The following BANP variants were observed in gnomAD, a reference collection of about 807,000 sequenced individuals.
BANP encodes the protein BTG3 associated nuclear protein.
Under a neutral mutation model 68.1 loss-of-function variants are expected in BANP, and 11 were observed. The ratio of observed to expected loss-of-function variants is 0.16; its 90% CI spans 0.10 to 0.27. The LOEUF (loss-of-function observed/expected upper bound fraction) is 0.27, where lower values mean the gene tolerates loss of function less well. BANP is among the 10% of genes least tolerant of loss of function. The pLI is 1.00. For missense variants in BANP, 504 were observed against 722.7 expected (o/e 0.70, Z 3.47); for synonymous variants, 329 against 303.2 (o/e 1.09, Z -0.88).
intron 13 of BANP, among the ~76,000 whole-genome samples, chr16:88,074,878 A>G (rs1290412691): frequency 2.0e-5 from 3 of 152,064 alleles, no homozygotes; most frequent in Non-Finnish European, 2.9e-5. Context: ...AGGGAACAGT[A>G]TATCGAGTGT....
intron 13 of BANP, among the ~76,000 whole-genome samples, chr16:88,075,144 G>A (rs1289045268): frequency 2.0e-5 from 3 of 152,166 alleles, no homozygotes; most frequent in Non-Finnish European, 4.4e-5. Context: ...TCAGGAGTTC[G>A]AGACCAGCCT....
chr16:88,039,398 G>T (rs1310586718), intron 11 of BANP, among the ~76,000 whole-genome samples: 1 of 144,018 alleles, frequency 6.9e-6, no homozygotes, highest in East Asian at 2.0e-4. Context: ...GCAGAGGACA[G>T]GGCTCATAGC....
intron 11 of BANP, among the ~76,000 whole-genome samples, chr16:88,054,478 AACAAC>A (rs1170533609): frequency 6.6e-6 from 1 of 152,064 alleles, no homozygotes; most frequent in Non-Finnish European, 1.5e-5. Context: ...CACCACTACC[AACAAC>A]ACATCTATCA....
intron 4 of BANP, among the ~76,000 whole-genome samples, chr16:87,984,729 G>C (rs556123537): frequency 6.6e-6 from 1 of 152,210 alleles, no homozygotes; most frequent in South Asian, 2.1e-4. Flanking sequence ...GTGGTAGTTT[G>C]CAAACTGTTT....
At chr16:88,035,536 G>T in intron 10 of BANP, 142 bp downstream of exon 10, 1 of 740,002 alleles carries the variant, frequency 1.4e-6, no homozygotes, top group Non-Finnish European at 2.2e-6. Context: ...TCCGCTTCCA[G>T]GGTGCACATA....
In BANP at chr16:88,030,172, A is replaced by G. The variant is rs193197460; in HGVS notation, c.1063+2522A>G. On this transcript the variant is annotated intron_variant, in intron 8 of 13. Coordinates refer to ENST00000682872, the MANE Select transcript of BANP (RefSeq NM_001386991.1). ...AAAGACAACAAAACCTAGACACCCA[A>G]CAAAGTAAAATTCACAATCTCCAGT... Among the ~76,000 whole-genome samples the G allele has an allele frequency of 3.9e-3, 593 of 152,370 alleles. 4 individuals carry two copies. Among genetic ancestry groups the G allele is most frequent in the African/African-American group, 0.011 (451 of 41,586 alleles).
At chr16:88,000,014 A>G in intron 4 of BANP, among the ~76,000 whole-genome samples, 1 of 43,870 alleles carries the variant, frequency 2.3e-5, no homozygotes, top group Non-Finnish European at 4.0e-5. Flanking sequence ...CCAGACACCC[A>G]GACACGTCTC....
At chr16:87,958,114 C>T (rs1419606138) in intron 1 of BANP, among the ~76,000 whole-genome samples, 1 of 152,322 alleles carries the variant, frequency 6.6e-6, no homozygotes. Flanking sequence ...TGTTGTCTTA[C>T]AATTTCTGGC....
chr16:88,061,022 AGC>A (rs1361706895), intron 11 of BANP, among the ~76,000 whole-genome samples: 1 of 152,078 alleles, frequency 6.6e-6, no homozygotes, highest in Admixed American at 6.5e-5. Flanking sequence ...CACTCCCAGG[AGC>A]GCCGCCCTGC....
At chr16:87,980,529 G>A (rs555917892) in intron 2 of BANP, 1 of 159,454 alleles carries the variant, frequency 6.3e-6, no homozygotes, top group African/African-American at 2.4e-5. Context: ...GGAGGGTCGG[G>A]GTTCTGTCAC....
chr16:88,021,275 G>C (rs569498634), intron 7 of BANP, among the ~76,000 whole-genome samples: 1 of 152,330 alleles, frequency 6.6e-6, no homozygotes, highest in East Asian at 1.9e-4. Flanking sequence ...TCTGGAGCAC[G>C]GTCCCCTGGC....
intron 2 of BANP, chr16:87,980,458 A>G (rs1598047596): frequency 6.5e-6 from 1 of 153,012 alleles, no homozygotes; most frequent in East Asian, 1.9e-4. Flanking sequence ...TCCTGCGGGA[A>G]GCCGTGACGA....
intron 11 of BANP, among the ~76,000 whole-genome samples, chr16:88,053,331 C>T (rs1159052700): frequency 3.6e-5 from 5 of 138,074 alleles, no homozygotes; most frequent in Non-Finnish European, 8.3e-5. Context: ...CTGTCATCTC[C>T]ATCATCATCA....
At chr16:87,984,819 C>T (rs1314402960) in intron 4 of BANP, among the ~76,000 whole-genome samples, 1 of 152,214 alleles carries the variant, frequency 6.6e-6, no homozygotes, top group East Asian at 1.9e-4. Flanking sequence ...TCAGATATTC[C>T]AGCCGACAGC....
At position 88,072,177 on chromosome 16, in the gene BANP, C is replaced by G; in HGVS notation, c.1486C>G (p.Leu496Val). 6.2e-7 allele frequency: 1 copy of G among 1,611,284 alleles called. No homozygotes were observed. The highest frequency in any genetic ancestry group is 8.5e-7 in the Non-Finnish European group (1 of 1,179,670). The change falls in exon 13 of 14, where the codon CTG becomes GTG. Residue 496 changes from leucine to valine, a missense_variant. Coordinates refer to ENST00000682872, the MANE Select transcript of BANP (RefSeq NM_001386991.1). ...CGACATCCAGGTTCAGTACGTGCAG[C>G]TGGCGCCAGTGAGTGACCACACGGC... ...GSDIQVQYVQ[L>V]APVSDHTAGA...
chr16:88,013,908 G>A (rs1302450937), intron 6 of BANP, among the ~76,000 whole-genome samples: 1 of 152,248 alleles, frequency 6.6e-6, no homozygotes, highest in East Asian at 1.9e-4. Context: ...GGACACAAGT[G>A]TGGATGGGAA....
intron 1 of BANP, among the ~76,000 whole-genome samples, 195 bp from the exon 2 acceptor site, chr16:87,974,853 G>A (rs535859655): frequency 3.3e-5 from 5 of 152,302 alleles, no homozygotes; most frequent in African/African-American, 7.2e-5. Flanking sequence ...AAGAGGCAGC[G>A]GGTGGCGTTT....
chr16:88,076,085 T>C (rs2091544827), intron 13 of BANP, among the ~76,000 whole-genome samples: 1 of 152,220 alleles, frequency 6.6e-6, no homozygotes, highest in Admixed American at 6.5e-5. Context: ...GATTTCGTAC[T>C]TGAAGTCCTT....
chr16:87,985,538 A>C (rs2064200173), intron 4 of BANP, among the ~76,000 whole-genome samples: 1 of 152,214 alleles, frequency 6.6e-6, no homozygotes, highest in African/African-American at 2.4e-5. Flanking sequence ...TCTTACCCTA[A>C]AATGCAGTTC....
Sources: gnomAD v4.1 joint callset for allele counts (sites outside exome capture counted in the v4.1 genomes callset) on GRCh38, gnomAD v4.1.1 for gene constraint, MANE v1.5 for transcripts, NCBI Gene and HGNC (gene_info 2026-07-23, HGNC 2026-07-21) for gene names.